The following A1CF variants were observed in gnomAD, a reference collection of about 807,000 sequenced individuals.
A1CF encodes APOBEC-1 stimulating protein.
A1CF carries 48 observed loss-of-function variants against 68.9 expected under a neutral mutation model. The observed-to-expected ratio is 0.70, with a 90% CI of 0.55 to 0.89. The LOEUF (loss-of-function observed/expected upper bound fraction) is 0.89, where lower values mean the gene tolerates loss of function less well. Among genes scored for constraint, A1CF ranks in the 40% least tolerant of loss-of-function variants. A1CF has a pLI of 0.00. For synonymous variants in A1CF, 272 were observed against 260.4 expected, an observed-to-expected ratio of 1.04 and a Z score of -0.43; for missense variants, 653 against 718.9, an observed-to-expected ratio of 0.91 and a Z score of 1.05.
chr10:50,850,620 G>A (rs1325809361), intron 3 of A1CF: 1 of 1,612,136 alleles, frequency 6.2e-7, no homozygotes, highest in Non-Finnish European at 8.5e-7. Context: ...TTCTGTAAAA[G>A]AGAACGAGTA....
intron 1 of A1CF, among the ~76,000 whole-genome samples, chr10:50,879,753 G>A (rs769249300): frequency 5.3e-5 from 8 of 152,254 alleles, no homozygotes; most frequent in Non-Finnish European, 7.4e-5. Flanking sequence ...CAGGCCTAAG[G>A]ATTACAATTC....
intron 1 of A1CF, among the ~76,000 whole-genome samples, chr10:50,872,067 A>T (rs1241342171): frequency 1.3e-5 from 2 of 152,248 alleles, no homozygotes; most frequent in Non-Finnish European, 1.5e-5. Flanking sequence ...GACACATATC[A>T]GTGGACAAAT....
chr10:50,814,089 GA>G, intron 9 of A1CF, 51 bp from the exon 10 acceptor site: 1 of 1,594,090 alleles, frequency 6.3e-7, no homozygotes, highest in Non-Finnish European at 8.6e-7. Context: ...GCATTAAACT[GA>G]ATCAAACCAC....
chr10:50,846,792 T>C (rs1039362891), intron 3 of A1CF, among the ~76,000 whole-genome samples: 1 of 152,238 alleles, frequency 6.6e-6, no homozygotes, highest in African/African-American at 2.4e-5. Context: ...ATTGTCTTTC[T>C]TTGTTTTTTA....
In A1CF at chr10:50,885,072, G is replaced by A. The variant is rs12261175; in HGVS notation, c.-94+509C>T. 9.4e-3 allele frequency among the ~76,000 whole-genome samples: 1,427 copies of A among 152,228 alleles called. 29 individuals are homozygous for A. Among genetic ancestry groups the A allele is most frequent in the African/African-American group, 0.032 (1,348 of 41,560 alleles). ...TAGCAAGATAATGGCAGGCGGAATC[G>A]CAAGAGTTGTACCAAGACTTTCTTT... is the stretch of plus-strand genomic sequence containing the variant. On this transcript the variant is annotated intron_variant, in intron 1 of 12. Coordinates refer to ENST00000373997, the MANE Select transcript of A1CF (RefSeq NM_014576.4).
chr10:50,830,493 A>C lies in A1CF; in HGVS notation c.605-2198T>G, dbSNP rs1839185753. On this transcript the variant is annotated intron_variant, in intron 6 of 12. Transcript: ENST00000373997. The stretch of plus-strand genomic sequence containing the variant: ...AACAAGAAATCAAGAAAACTGAAAC[A>C]GAAATCAAGAAAACAATCTCATTTA... 2.6e-5 allele frequency among the ~76,000 whole-genome samples: 4 copies of C among 152,232 alleles called. No individual in the cohort carries two copies. The South Asian group carries it at 8.3e-4, about 31-fold the overall frequency.
intron 6 of A1CF, among the ~76,000 whole-genome samples, chr10:50,830,616 A>G (rs1378870451): frequency 6.6e-6 from 1 of 152,164 alleles, no homozygotes; most frequent in Non-Finnish European, 1.5e-5. Context: ...AAAATTAAAG[A>G]AGAAACAAAT....
intron 1 of A1CF, among the ~76,000 whole-genome samples, chr10:50,882,015 C>T (rs1360182935): frequency 6.6e-6 from 1 of 152,142 alleles, no homozygotes; most frequent in African/African-American, 2.4e-5. Context: ...TCTCAAGATA[C>T]CAGCATATCT....
Position 50,804,211 on chromosome 10 carries a change from T to G in A1CF, c.*2518A>C, listed in dbSNP as rs1285440096. On this transcript the variant is annotated 3_prime_UTR_variant, in exon 13 of 13. Transcript: ENST00000373997. ...AGGTAAATGGTGTGATAACTTGAGATGGTGTTCCAGTGGTAATTTTCTCAA... is the reference window on the plus strand; with the variant it reads ...AGGTAAATGGTGTGATAACTTGAGAGGGTGTTCCAGTGGTAATTTTCTCAA... 6.6e-6 allele frequency: 1 copy of G among 152,208 alleles called. No homozygotes were observed. Among genetic ancestry groups the G allele is most frequent in the Non-Finnish European group, 1.5e-5 (1 of 68,012 alleles). 9.4% of individuals were successfully genotyped at this position (152,208 alleles called of 1,614,324 possible).
intron 11 of A1CF, 69 bp downstream of exon 11, chr10:50,810,971 G>T: frequency 6.7e-7 from 1 of 1,483,686 alleles, no homozygotes; most frequent in Non-Finnish European, 9.1e-7. Context: ...TTTAGATGGT[G>T]ACTAAATGCA....
At chr10:50,828,992 G>C (rs1444212717) in intron 6 of A1CF, among the ~76,000 whole-genome samples, 1 of 152,182 alleles carries the variant, frequency 6.6e-6, no homozygotes, top group Non-Finnish European at 1.5e-5. Context: ...TAATTCTTCT[G>C]TAAAGGGTAG....
intron 6 of A1CF, among the ~76,000 whole-genome samples, chr10:50,832,867 GT>G (rs61524223): frequency 0.04 from 5,956 of 147,356 alleles, 390 homozygotes; most frequent in African/African-American, 0.13. Flanking sequence ...TAGGTACTAT[GT>G]TTTTTTTTTT....
intron 1 of A1CF, among the ~76,000 whole-genome samples, chr10:50,871,310 G>T (rs1841257273): frequency 6.6e-6 from 1 of 151,670 alleles, no homozygotes; most frequent in South Asian, 2.1e-4. Flanking sequence ...AAACATAAAA[G>T]TTGAATAAAC....
chr10:50,832,314 T>C (rs752328511), intron 6 of A1CF, among the ~76,000 whole-genome samples: 26 of 152,196 alleles, frequency 1.7e-4, no homozygotes, highest in Non-Finnish European at 3.2e-4. Context: ...TGTTTTTTCC[T>C]CTGGGAGCTG....
rs1251409619 is a variant in A1CF, at chr10:50,803,105, T to G, written c.*3624A>C. The G allele has an allele frequency of 2.6e-5, 4 of 152,228 alleles. No individual in the cohort carries two copies. The highest frequency in any genetic ancestry group is 5.9e-5 in the Non-Finnish European group (4 of 68,038). 9.4% of individuals were successfully genotyped at this position (152,228 alleles called of 1,614,324 possible). ...TGTTAGATATTTATTTTTGCTTTTT[T>G]GGAGACAGGGTCTTGCTCTGTCACC... On this transcript the variant is annotated 3_prime_UTR_variant, in exon 13 of 13. Coordinates refer to ENST00000373997, the MANE Select transcript of A1CF (RefSeq NM_014576.4).
At position 50,806,813 on chromosome 10, in the gene A1CF, T is replaced by C. The variant is rs756032754; in HGVS notation, c.1677A>G (p.Gly559=). 1 of 1,613,762 alleles carries C rather than the reference T, an allele frequency of 6.2e-7. No individual in the cohort carries two copies. The highest frequency in any genetic ancestry group is 1.7e-5 in the Admixed American group (1 of 59,968). ...AAQLKQAVTL[G]QDLAAYTTYE... ...AGGTTGTATATGCTGCTAAGTCTTG[T>C]CCAAGGGTTACCGCTTGCTTGAGCT... Residue 559 remains glycine (G), a synonymous_variant, in exon 13 of 13, where the codon GGA becomes GGG. Transcript: ENST00000373997.
At chr10:50,823,106 C>G (rs566758860) in intron 7 of A1CF, 1 of 152,260 alleles carries the variant, frequency 6.6e-6, no homozygotes, top group African/African-American at 2.4e-5. Context: ...ATTCTGTTTG[C>G]AGATATCTGA....
intron 7 of A1CF, 56 bp from the exon 8 acceptor site, chr10:50,820,705 G>GAT: frequency 6.9e-7 from 1 of 1,458,642 alleles, no homozygotes; most frequent in Non-Finnish European, 9.4e-7. Context: ...CCTTGAAAGT[G>GAT]ATATATTTTA....
intron 3 of A1CF, 29 bp downstream of exon 3, chr10:50,859,813 G>A: frequency 6.3e-7 from 1 of 1,594,208 alleles, no homozygotes; most frequent in Non-Finnish European, 8.6e-7. Flanking sequence ...ATTCAGTGGT[G>A]AGTCTCAGCA....
Sources: gnomAD v4.1 joint callset for allele counts (sites outside exome capture counted in the v4.1 genomes callset) on GRCh38, gnomAD v4.1.1 for gene constraint, MANE v1.5 for transcripts, NCBI Gene and HGNC (gene_info 2026-07-23, HGNC 2026-07-21) for gene names.